Variants in BABAM2 observed in about 807,000 individuals in gnomAD.
BABAM2 encodes the protein BRISC and BRCA1-A complex member 2.
BABAM2 carries 31 observed loss-of-function variants against 54.7 expected under a neutral mutation model. The observed-to-expected ratio is 0.57, with a 90% CI of 0.43 to 0.77. The LOEUF (loss-of-function observed/expected upper bound fraction) is 0.77. BABAM2 is among the 30% of genes least tolerant of loss of function. The pLI is 0.00. For synonymous variants in BABAM2, 167 were observed against 162.9 expected, an observed-to-expected ratio of 1.03 and a Z score of -0.19; for missense variants, 364 against 455.8, an observed-to-expected ratio of 0.80 and a Z score of 1.83.
At chr2:27,918,545 G>C (rs1045405498) in intron 2 of BABAM2, among the ~76,000 whole-genome samples, 43 of 151,888 alleles carry the variant, frequency 2.8e-4, no homozygotes, top group Admixed American at 2.4e-3. Context: ...TGGACACTTG[G>C]ATTGCTTCTA....
At chr2:28,308,519 T>G in intron 11 of BABAM2, 1 of 521,068 alleles carries the variant, frequency 1.9e-6, no homozygotes, top group African/African-American at 1.9e-5. Context: ...GTGACACTGC[T>G]GTGGCCAAAG....
intron 2 of BABAM2, among the ~76,000 whole-genome samples, chr2:27,901,066 A>C (rs993203661): frequency 2.0e-5 from 3 of 151,346 alleles, no homozygotes; most frequent in African/African-American, 7.3e-5. Flanking sequence ...AAAAAAAGGA[A>C]ATTATAGTAA....
At position 27,984,056 on chromosome 2, in the gene BABAM2, T is replaced by C. The variant is rs546659553; in HGVS notation, c.206-3937T>C. On this transcript the variant is annotated intron_variant, in intron 3 of 11. Transcript: ENST00000379624. ...AGTAGATTTTTTCAATGTTTACCAGTTTGGAAATATTTATTACTAGCAGTG... is the reference window on the plus strand; with the variant it reads ...AGTAGATTTTTTCAATGTTTACCAGCTTGGAAATATTTATTACTAGCAGTG... 4.0e-5 allele frequency among the ~76,000 whole-genome samples: 6 copies of C among 151,502 alleles called. No individual in the cohort carries two copies. In the East Asian group the frequency reaches 1.2e-3, roughly 29 times the overall value.
At chr2:27,924,444 G>A (rs1048561420) in intron 2 of BABAM2, among the ~76,000 whole-genome samples, 2 of 152,086 alleles carry the variant, frequency 1.3e-5, no homozygotes. Context: ...GAGTGCAGAG[G>A]CATGATCTCA....
intron 6 of BABAM2, among the ~76,000 whole-genome samples, chr2:28,072,281 T>C (rs1486742343): frequency 1.3e-5 from 2 of 152,070 alleles, no homozygotes; most frequent in Non-Finnish European, 2.9e-5. Flanking sequence ...CAAGCAGTTC[T>C]CCTGCCTCAG....
At chr2:28,110,935 T>C (rs1667951815) in intron 6 of BABAM2, among the ~76,000 whole-genome samples, 2 of 151,788 alleles carry the variant, frequency 1.3e-5, no homozygotes. Context: ...TTTTGATTTA[T>C]GTTGAACATC....
chr2:28,290,562 G>C (rs575757657), intron 10 of BABAM2, among the ~76,000 whole-genome samples: 43 of 152,304 alleles, frequency 2.8e-4, no homozygotes, highest in African/African-American at 9.6e-4. Context: ...CCTTTACTGA[G>C]TGTTTCTCAT....
intron 6 of BABAM2, among the ~76,000 whole-genome samples, chr2:28,087,916 CT>C (rs1180954879): frequency 2.6e-5 from 4 of 152,160 alleles, no homozygotes; most frequent in African/African-American, 9.7e-5. Context: ...TCCCAAAGTG[CT>C]GGGATTACAG....
At chr2:28,163,723 G>T (rs111913318) in intron 7 of BABAM2, among the ~76,000 whole-genome samples, 3 of 152,294 alleles carry the variant, frequency 2.0e-5, no homozygotes, top group African/African-American at 7.2e-5. Context: ...TACTCCTAAG[G>T]GTGAGACTTG....
chr2:27,942,975 G>A (rs1371733181), intron 3 of BABAM2, among the ~76,000 whole-genome samples: 1 of 151,742 alleles, frequency 6.6e-6, no homozygotes, highest in South Asian at 2.1e-4. Flanking sequence ...TTGTAGAGAC[G>A]GGGTTTTGGT....
chr2:28,149,707 T>C (rs1471367273), intron 7 of BABAM2, among the ~76,000 whole-genome samples: 2 of 152,144 alleles, frequency 1.3e-5, no homozygotes, highest in African/African-American at 4.8e-5. Flanking sequence ...TGGGTGGTTG[T>C]TAGCTGTCTT....
intron 10 of BABAM2, among the ~76,000 whole-genome samples, chr2:28,284,082 A>G (rs1456809020): frequency 1.3e-5 from 2 of 152,214 alleles, no homozygotes; most frequent in East Asian, 1.9e-4. Context: ...TTGCCTCAAC[A>G]TGATCACCTT....
At chr2:27,949,184 A>G (rs751933688) in intron 3 of BABAM2, among the ~76,000 whole-genome samples, 1 of 152,236 alleles carries the variant, frequency 6.6e-6, no homozygotes, top group Non-Finnish European at 1.5e-5. Flanking sequence ...ACTGGACAGG[A>G]TAGCAGTGAG....
intron 2 of BABAM2, among the ~76,000 whole-genome samples, chr2:27,926,435 T>C (rs529098014): frequency 6.6e-6 from 1 of 152,244 alleles, no homozygotes; most frequent in Non-Finnish European, 1.5e-5. Context: ...CTGTTTGCTC[T>C]GCCTGGAATG....
chr2:28,133,052 C>T (rs867205226), intron 7 of BABAM2, among the ~76,000 whole-genome samples: 14 of 152,270 alleles, frequency 9.2e-5, no homozygotes, highest in African/African-American at 2.6e-4. Flanking sequence ...AAACAAACTA[C>T]CAAACATTCT....
chr2:28,244,348 A>G (rs1682725996), intron 9 of BABAM2, among the ~76,000 whole-genome samples: 1 of 152,254 alleles, frequency 6.6e-6, no homozygotes, highest in South Asian at 2.1e-4. Context: ...CTGTACAGGT[A>G]GTATGCTGAC....
intron 8 of BABAM2, among the ~76,000 whole-genome samples, chr2:28,238,477 G>A (rs1368886778): frequency 6.6e-6 from 1 of 152,184 alleles, no homozygotes; most frequent in Non-Finnish European, 1.5e-5. Flanking sequence ...TCAAAAGATA[G>A]CTCACTTCTA....
chr2:28,263,131 CAAAAA>C (rs539550619), intron 10 of BABAM2, among the ~76,000 whole-genome samples: 1 of 97,806 alleles, frequency 1.0e-5, no homozygotes, highest in African/African-American at 4.1e-5. Context: ...GACACTGTCT[CAAAAA>C]AAAAAAAAAA....
At chr2:28,002,506 T>TA (rs1003575338) in intron 4 of BABAM2, among the ~76,000 whole-genome samples, 1 of 152,106 alleles carries the variant, frequency 6.6e-6, no homozygotes, top group Non-Finnish European at 1.5e-5. Context: ...AAGTTTTTTT[T>TA]AAAAAAGCTA....
Sources: gnomAD v4.1 joint callset for allele counts (sites outside exome capture counted in the v4.1 genomes callset) on GRCh38, gnomAD v4.1.1 for gene constraint, MANE v1.5 for transcripts, NCBI Gene and HGNC (gene_info 2026-07-23, HGNC 2026-07-21) for gene names.